The following HERC2 variants were observed in gnomAD, a reference collection of about 807,000 sequenced individuals.
HERC2 encodes the protein E3 ubiquitin-protein ligase HERC2.
Under a neutral mutation model 537.7 loss-of-function variants are expected in HERC2, and 102 were observed. The observed-to-expected ratio is 0.19, with a 90% CI of 0.16 to 0.22. The LOEUF (loss-of-function observed/expected upper bound fraction) is 0.22, where lower values mean the gene tolerates loss of function less well. Among genes scored for constraint, HERC2 ranks in the 10% least tolerant of loss-of-function variants. The pLI is 1.00. For synonymous variants in HERC2, 2,224 were observed against 2,466.2 expected (o/e 0.90, Z 2.91); for missense variants, 4,236 against 6,198.2 (o/e 0.68, Z 10.63).
rs746119676 is a variant in HERC2 at position 28,176,623 on chromosome 15, T to G, written c.9515-24A>C. ...ACCTAGGTTTAAGAAACACATATACTTCAGGCCAGCGTTTCATATCATTCC... is the reference window on the plus strand; with the variant it reads ...ACCTAGGTTTAAGAAACACATATACGTCAGGCCAGCGTTTCATATCATTCC... On this transcript the variant is annotated intron_variant, in intron 62 of 92. Transcript: ENST00000261609. The surrounding 1 kb of genome is among the most constrained non-coding windows in gnomAD (Gnocchi z 5.0). The G allele has an allele frequency of 1.6e-5, 26 of 1,613,828 alleles. No homozygotes were observed. Among genetic ancestry groups the G allele is most frequent in the Non-Finnish European group, 2.1e-5 (25 of 1,179,936 alleles).
intron 44 of HERC2, among the ~76,000 whole-genome samples, chr15:28,210,252 G>A (rs755007046): frequency 6.6e-6 from 1 of 152,138 alleles, no homozygotes; most frequent in Non-Finnish European, 1.5e-5. Context: ...TCCTGCGTCA[G>A]CCTCCCAAGT....
chr15:28,241,032 G>A (rs1596308004), intron 23 of HERC2, among the ~76,000 whole-genome samples: 1 of 152,038 alleles, frequency 6.6e-6, no homozygotes, highest in Middle Eastern at 3.4e-3. Context: ...GCAACAAAAG[G>A]AAAAAAATAG....
chr15:28,214,868 AT>A (rs1412249209), intron 39 of HERC2, 66 bp from the exon 40 acceptor site: 4 of 1,328,924 alleles, frequency 3.0e-6, no homozygotes, highest in African/African-American at 1.5e-5. Flanking sequence ...ACAGATTGTT[AT>A]TTTTTTATTT....
At chr15:28,318,411 G>A (rs2077147123) in intron 2 of HERC2, among the ~76,000 whole-genome samples, 1 of 152,168 alleles carries the variant, frequency 6.6e-6, no homozygotes, top group Non-Finnish European at 1.5e-5. Flanking sequence ...TGGATCACTT[G>A]AGGTCAGGAG....
rs968256060 is a variant in HERC2, at chr15:28,268,147, T to A, written c.1598+318A>T. Among the ~76,000 whole-genome samples the A allele has an allele frequency of 2.0e-5, 3 of 152,156 alleles. No individual in the cohort carries two copies. The highest frequency in any genetic ancestry group is 4.4e-5 in the Non-Finnish European group (3 of 68,024). On this transcript the variant is annotated intron_variant, in intron 12 of 92. Transcript: ENST00000261609. This position sits in a 1 kb window ranked among gnomAD's most constrained non-coding sequence, Gnocchi z 4.7. ...ATCTATGAGAGACAGGGTGAACTGTTTGTGAATGAAGGAACAGTGGTGTGG... is the reference window on the plus strand; with the variant it reads ...ATCTATGAGAGACAGGGTGAACTGTATGTGAATGAAGGAACAGTGGTGTGG...
chr15:28,130,176 G>A lies in HERC2; in HGVS notation c.12789C>T (p.Cys4263=). Residue 4263 remains cysteine, a synonymous_variant, in exon 83 of 93, where the codon TGC becomes TGT. Transcript: ENST00000261609. ...AIATGSLHCV[C]CTEDGEVYTW... ...GCCCCTACCTACCATCCTCTGTGCAGCACACACAGTGCAGGGAGCCAGTGG... is the reference window on the plus strand; with the variant it reads ...GCCCCTACCTACCATCCTCTGTGCAACACACACAGTGCAGGGAGCCAGTGG... 6.2e-7 allele frequency: 1 copy of A among 1,614,124 alleles called. No homozygotes were observed. The highest frequency in any genetic ancestry group is 8.5e-7 in the Non-Finnish European group (1 of 1,180,006).
intron 17 of HERC2, 143 bp from the exon 18 acceptor site, chr15:28,256,460 A>T: frequency 1.5e-6 from 1 of 689,488 alleles, no homozygotes; most frequent in Non-Finnish European, 2.4e-6. Flanking sequence ...AAACTGGACT[A>T]AAAAAACTCT....
intron 2 of HERC2, among the ~76,000 whole-genome samples, chr15:28,320,781 G>A (rs1036326319): frequency 1.3e-5 from 2 of 151,670 alleles, no homozygotes; most frequent in Non-Finnish European, 2.9e-5. Flanking sequence ...TGACAAGCTT[G>A]CAGTTATCTC....
chr15:28,118,341 A>G (rs1279066878), intron 86 of HERC2: 3 of 152,450 alleles, frequency 2.0e-5, no homozygotes, highest in East Asian at 3.9e-4. Context: ...GGCTGTCTGC[A>G]CTCAGAGGCT....
At chr15:28,249,842 G>A (rs1468150111) in intron 20 of HERC2, among the ~76,000 whole-genome samples, 1 of 147,030 alleles carries the variant, frequency 6.8e-6, no homozygotes, top group Non-Finnish European at 1.5e-5. Flanking sequence ...TTTAAGTGGA[G>A]ACGGGCTTTC....
intron 2 of HERC2, among the ~76,000 whole-genome samples, chr15:28,299,718 T>C (rs907200833): frequency 8.5e-5 from 13 of 152,210 alleles, no homozygotes; most frequent in Admixed American, 6.5e-4. Flanking sequence ...AGGTGCATAA[T>C]AGTATAAATA....
intron 20 of HERC2, among the ~76,000 whole-genome samples, chr15:28,249,775 T>C (rs927805444): frequency 6.6e-6 from 1 of 151,290 alleles, no homozygotes; most frequent in Admixed American, 6.6e-5. Flanking sequence ...GCCTCCCGAG[T>C]AGCTGGGAAT....
chr15:28,190,048 G>A (rs1272156634), intron 55 of HERC2, among the ~76,000 whole-genome samples: 6 of 138,576 alleles, frequency 4.3e-5, no homozygotes, highest in Admixed American at 1.5e-4. Context: ...TGGCTCTGTC[G>A]CCCAGGCTGG....
chr15:28,144,828 G>C (rs1482497188), intron 71 of HERC2, 24 bp from the exon 72 acceptor site: 1 of 1,613,782 alleles, frequency 6.2e-7, no homozygotes, highest in Non-Finnish European at 8.5e-7. Context: ...GCGCACCCCG[G>C]GGTTAGCTTC....
rs575828936 is a variant in HERC2, at chr15:28,176,875, A to G, written c.9432+75T>C. On this transcript the variant is annotated intron_variant, in intron 61 of 92. Coordinates refer to ENST00000261609, the MANE Select transcript of HERC2 (RefSeq NM_004667.6). This position sits in a 1 kb window ranked among gnomAD's most constrained non-coding sequence, Gnocchi z 5.0. ...TGCACACATCTTTATGAACTTTCCT[A>G]GACTTGAAGCTTATTTTCTCTTGAC... 11 of 1,581,828 alleles carry G rather than the reference A, an allele frequency of 7.0e-6. No individual in the cohort carries two copies. In the East Asian group the frequency reaches 2.5e-4, roughly 36 times the overall value.
At chr15:28,185,465 T>C (rs1172892294) in intron 56 of HERC2, among the ~76,000 whole-genome samples, 1 of 152,232 alleles carries the variant, frequency 6.6e-6, no homozygotes, top group Non-Finnish European at 1.5e-5. Context: ...AATTTCACTT[T>C]CAGCAATTTA....
chr15:28,131,317 A>G (rs1199771808), intron 81 of HERC2, among the ~76,000 whole-genome samples: 2 of 152,038 alleles, frequency 1.3e-5, no homozygotes, highest in Non-Finnish European at 2.9e-5. Context: ...GGCCTCTGAC[A>G]CATGCCACTG....
chr15:28,216,669 CACTGAT>C (rs971798391), intron 38 of HERC2, among the ~76,000 whole-genome samples: 1 of 151,004 alleles, frequency 6.6e-6, no homozygotes, highest in African/African-American at 2.4e-5. Flanking sequence ...CTCACACTCA[CACTGAT>C]ACTAAGTTAT....
chr15:28,143,418 G>A (rs1360309447), intron 74 of HERC2, among the ~76,000 whole-genome samples: 1 of 152,082 alleles, frequency 6.6e-6, no homozygotes, highest in African/African-American at 2.4e-5. Flanking sequence ...CGAGAAGTCT[G>A]GATGGGACAA....
Sources: allele counts gnomAD v4.1 joint callset (sites outside exome capture counted in the v4.1 genomes callset), GRCh38; gene constraint gnomAD v4.1.1; non-coding constraint Gnocchi (gnomAD v3.1); transcripts MANE v1.5; gene names NCBI Gene and HGNC (gene_info 2026-07-23, HGNC 2026-07-21).